The following NOS1 variants were observed in gnomAD, a reference collection of about 807,000 sequenced individuals.
The protein encoded by NOS1 is nitric oxide synthase 1, also known as NOS type I.
A neutral mutation model predicts 164.5 loss-of-function variants in NOS1; 51 were observed. The observed-to-expected ratio is 0.31, with a 90% CI of 0.25 to 0.39. NOS1 has a LOEUF of 0.39. Ranked by LOEUF, NOS1 falls within the 10% of genes least tolerant of loss-of-function variation. NOS1 has a pLI of 1.00. For synonymous variants in NOS1, 719 were observed against 745.8 expected (o/e 0.96, Z 0.59); for missense variants, 1,362 against 1,885.6 (o/e 0.72, Z 5.14).
chr12:117,360,632 C>T (rs375214123), intron 1 of NOS1, among the ~76,000 whole-genome samples: 1 of 152,180 alleles, frequency 6.6e-6, no homozygotes, highest in Non-Finnish European at 1.5e-5. Flanking sequence ...GAGGCCAGGC[C>T]GGAGCGATGT....
At chr12:117,239,403 C>G (rs1336697834) in intron 20 of NOS1, among the ~76,000 whole-genome samples, 1 of 152,210 alleles carries the variant, frequency 6.6e-6, no homozygotes, top group Admixed American at 6.5e-5. Flanking sequence ...AGTGTCTACA[C>G]CCCACACATT....
chr12:117,300,260 C>T (rs1349833643), intron 3 of NOS1, among the ~76,000 whole-genome samples: 4 of 152,138 alleles, frequency 2.6e-5, no homozygotes, highest in South Asian at 2.1e-4. Context: ...TATGGGGTGA[C>T]GCAGTGAAGG....
chr12:117,328,732 T>A (rs1195219734), intron 2 of NOS1, among the ~76,000 whole-genome samples: 2 of 152,240 alleles, frequency 1.3e-5, no homozygotes, highest in East Asian at 3.8e-4. Context: ...GCCCAGCTAA[T>A]CCCTTTCCTG....
chr12:117,256,899 C>A (rs935880533), intron 16 of NOS1, among the ~76,000 whole-genome samples: 1 of 151,792 alleles, frequency 6.6e-6, no homozygotes, highest in Non-Finnish European at 1.5e-5. Flanking sequence ...TGGTGAAAGC[C>A]TGTCTCTACT....
At chr12:117,305,430 C>T (rs1874088977) in intron 3 of NOS1, among the ~76,000 whole-genome samples, 1 of 149,984 alleles carries the variant, frequency 6.7e-6, no homozygotes, top group South Asian at 2.1e-4. Flanking sequence ...CGTCATTGCA[C>T]TCTTGCCTGG....
chr12:117,215,378 T>C, intron 28 of NOS1, 54 bp from the exon 29 acceptor site: 1 of 1,458,548 alleles, frequency 6.9e-7, no homozygotes, highest in East Asian at 2.5e-5. Flanking sequence ...AGGCTGCTGT[T>C]TCCTCTGAGT....
chr12:117,281,081 G>T (rs1234962220), intron 7 of NOS1, among the ~76,000 whole-genome samples: 1 of 152,168 alleles, frequency 6.6e-6, no homozygotes, highest in Non-Finnish European at 1.5e-5. Context: ...CGGTGGAGGG[G>T]GTGGGAGCTC....
intron 4 of NOS1, among the ~76,000 whole-genome samples, chr12:117,288,448 G>A (rs938709367): frequency 1.3e-5 from 2 of 152,130 alleles, no homozygotes; most frequent in Non-Finnish European, 2.9e-5. Context: ...CTCATCTTGG[G>A]AACAGAAGCT....
chr12:117,274,370 T>C (rs1398125403), intron 9 of NOS1, among the ~76,000 whole-genome samples: 4 of 152,116 alleles, frequency 2.6e-5, no homozygotes, highest in African/African-American at 9.7e-5. Context: ...GGTGGGAATA[T>C]AGGCTAGTAC....
intron 1 of NOS1, among the ~76,000 whole-genome samples, chr12:117,343,076 C>G (rs1876188323): frequency 6.6e-6 from 1 of 152,002 alleles, no homozygotes; most frequent in African/African-American, 2.4e-5. Context: ...TGCCTGTAAT[C>G]CCAGCACTTT....
chr12:117,293,074 G>A (rs549707597), intron 3 of NOS1, among the ~76,000 whole-genome samples: 7 of 152,328 alleles, frequency 4.6e-5, no homozygotes, highest in African/African-American at 7.2e-5. Flanking sequence ...CAGAGGTCCT[G>A]AGTTAAGAGA....
In NOS1 at chr12:117,277,996, G is replaced by A; in HGVS notation, c.1627C>T (p.Pro543Ser). 6.2e-7 allele frequency: 1 copy of A among 1,613,920 alleles called. No individual in the cohort carries two copies. The highest frequency in any genetic ancestry group is 1.1e-5 in the South Asian group (1 of 91,038). ...GNDPELFQIPPELVLEVPIRH... is the reference protein window; with the variant it reads ...GNDPELFQIPSELVLEVPIRH... ...ATGGGAACTTCCAACACCAGCTCTG[G>A]AGGAATCTGGAAGAGCTCAGGGTCA... Residue 543 changes from proline to serine, a missense_variant, in exon 9 of 29, where the codon CCA becomes TCA. This residue lies in a region of NOS1 where 134 missense variants were observed against 267.3 expected (regional missense o/e 0.50). Coordinates refer to ENST00000317775, the MANE Select transcript of NOS1 (RefSeq NM_000620.5).
chr12:117,310,054 G>A (rs1874355506), intron 3 of NOS1, among the ~76,000 whole-genome samples: 1 of 152,166 alleles, frequency 6.6e-6, no homozygotes, highest in Non-Finnish European at 1.5e-5. Flanking sequence ...CAACGGGCAT[G>A]TGCCACCATA....
At position 117,305,333 on chromosome 12, in the gene NOS1, G is replaced by C. The variant is rs188396732; in HGVS notation, c.852+6133C>G. Among the ~76,000 whole-genome samples the C allele has an allele frequency of 7.5e-4, 114 of 152,226 alleles. 1 individual carries two copies. In the East Asian group the frequency reaches 0.02, roughly 27 times the overall value. On this transcript the variant is annotated intron_variant, in intron 3 of 28. Transcript: ENST00000317775. ...AAAAAAATTAGCCGGACGTGGTGGT[G>C]GGCGCCTGTAGTCCCAGCTACTCGG...
intron 2 of NOS1, among the ~76,000 whole-genome samples, chr12:117,324,739 A>ATAAATAAATAAATAAATAAG (rs60464578): frequency 3.3e-4 from 50 of 152,106 alleles, no homozygotes; most frequent in African/African-American, 1.1e-3. Context: ...AAATAAATAA[A>ATAAATAAATAAATAAATAAG]GTGACTGCTC....
chr12:117,289,375 C>T (rs1386480075), intron 4 of NOS1, among the ~76,000 whole-genome samples: 2 of 152,020 alleles, frequency 1.3e-5, no homozygotes, highest in African/African-American at 4.8e-5. Context: ...ATTTCTTGCC[C>T]AGGGAATGTT....
At chr12:117,255,314 C>A (rs1203223189) in intron 16 of NOS1, among the ~76,000 whole-genome samples, 2 of 151,946 alleles carry the variant, frequency 1.3e-5, no homozygotes, top group African/African-American at 4.8e-5. Context: ...AACAAACAAG[C>A]AACCAAAACT....
intron 20 of NOS1, among the ~76,000 whole-genome samples, chr12:117,237,457 G>A (rs1869806182): frequency 6.6e-6 from 1 of 151,814 alleles, no homozygotes; most frequent in African/African-American, 2.4e-5. Context: ...TTCAAGCTTG[G>A]GACACATATG....
chr12:117,334,098 T>C (rs1875686697), intron 1 of NOS1, among the ~76,000 whole-genome samples: 1 of 152,222 alleles, frequency 6.6e-6, no homozygotes, highest in Non-Finnish European at 1.5e-5. Flanking sequence ...GCCTTTGGTG[T>C]ACTTTGCTTA....
Sources: gnomAD v4.1 joint callset for allele counts (sites outside exome capture counted in the v4.1 genomes callset) on GRCh38, gnomAD v4.1.1 for gene constraint, gnomAD v4.1.1 regional missense constraint, MANE v1.5 for transcripts, NCBI Gene and HGNC (gene_info 2026-07-23, HGNC 2026-07-21) for gene names.